Variants in GPC5 observed in about 807,000 individuals in gnomAD.
GPC5 encodes glypican-5.
In GPC5, 47 loss-of-function variants were observed where a neutral mutation model predicts 53.9. The observed-to-expected ratio is 0.87, with a 90% CI of 0.69 to 1.11. The LOEUF is 1.11. Among genes scored for constraint, GPC5 ranks in the 50% most tolerant of loss-of-function variants. The pLI is 0.00. For missense variants in GPC5, 748 were observed against 713.1 expected, an observed-to-expected ratio of 1.05 and a Z score of -0.56; for synonymous variants, 286 against 263.3, an observed-to-expected ratio of 1.09 and a Z score of -0.84.
intron 7 of GPC5, among the ~76,000 whole-genome samples, chr13:92,514,659 C>T (rs576199644): frequency 6.6e-6 from 1 of 152,274 alleles, no homozygotes; most frequent in African/African-American, 2.4e-5. Flanking sequence ...CAGAGCCTGC[C>T]CATTCGCCAC....
chr13:92,235,634 A>G (rs2042564208), intron 7 of GPC5, among the ~76,000 whole-genome samples: 1 of 152,102 alleles, frequency 6.6e-6, no homozygotes, highest in South Asian at 2.1e-4. Context: ...TCACAAATGG[A>G]GAGAAACGTC....
At chr13:92,732,370 C>A (rs976080483) in intron 7 of GPC5, among the ~76,000 whole-genome samples, 4 of 151,400 alleles carry the variant, frequency 2.6e-5, no homozygotes, top group African/African-American at 9.7e-5. Context: ...CTTTGAACAC[C>A]AAATATTTTA....
intron 7 of GPC5, among the ~76,000 whole-genome samples, chr13:92,376,941 A>G (rs943478365): frequency 6.6e-5 from 10 of 151,998 alleles, no homozygotes; most frequent in African/African-American, 2.4e-4. Flanking sequence ...GCTTGAACCC[A>G]GGAGCGGAGG....
intron 2 of GPC5, among the ~76,000 whole-genome samples, chr13:91,478,884 T>TATATATATATATATATATATATGCAC (rs2139207880): frequency 8.6e-6 from 1 of 116,630 alleles, no homozygotes; most frequent in African/African-American, 3.7e-5. Context: ...ATACACATTA[T>TATATATATATATATATATATATGCAC]ATATATATAT....
chr13:92,090,387 G>A (rs989997861), intron 6 of GPC5, among the ~76,000 whole-genome samples: 2 of 152,028 alleles, frequency 1.3e-5, no homozygotes, highest in African/African-American at 4.8e-5. Context: ...GATCATGATG[G>A]TAGAGCCCTC....
chr13:91,425,675 T>A (rs1467969114), intron 1 of GPC5, among the ~76,000 whole-genome samples: 10 of 152,332 alleles, frequency 6.6e-5, no homozygotes, highest in Non-Finnish European at 1.2e-4. Flanking sequence ...GTCTTGGGTA[T>A]GTCTTTATAG....
intron 4 of GPC5, among the ~76,000 whole-genome samples, chr13:91,743,239 T>C (rs924684661): frequency 6.6e-6 from 1 of 152,154 alleles, no homozygotes; most frequent in Non-Finnish European, 1.5e-5. Flanking sequence ...CTCCTGTTGT[T>C]ACAATTTTTT....
intron 2 of GPC5, among the ~76,000 whole-genome samples, chr13:91,606,438 T>C (rs912148983): frequency 4.0e-5 from 6 of 151,302 alleles, no homozygotes; most frequent in East Asian, 2.0e-4. Context: ...TGTCTCTGCC[T>C]GGCTTTGGTA....
At chr13:92,206,551 A>G (rs874796) in intron 7 of GPC5, among the ~76,000 whole-genome samples, 90,587 of 151,842 alleles carry the variant, frequency 0.6, 27,737 homozygotes, top group Middle Eastern at 0.74. Flanking sequence ...AAATAAACTT[A>G]TGCAGAACTA....
intron 2 of GPC5, among the ~76,000 whole-genome samples, chr13:91,635,598 T>C (rs541766614): frequency 3.0e-4 from 45 of 152,244 alleles, no homozygotes; most frequent in Admixed American, 6.5e-4. Flanking sequence ...TTTATTATTA[T>C]ATTATGTTAC....
chr13:92,425,386 T>G (rs1876786258), intron 7 of GPC5, among the ~76,000 whole-genome samples: 1 of 152,104 alleles, frequency 6.6e-6, no homozygotes, highest in Non-Finnish European at 1.5e-5. Flanking sequence ...TGGCTAATGT[T>G]TCTAACATTT....
At chr13:91,427,832 T>TG (rs1325067891) in intron 1 of GPC5, among the ~76,000 whole-genome samples, 1 of 152,178 alleles carries the variant, frequency 6.6e-6, no homozygotes, top group Non-Finnish European at 1.5e-5. Context: ...GATTAGGTTA[T>TG]GGGGGCTGTT....
At chr13:91,422,540 GC>G (rs1387498989) in intron 1 of GPC5, among the ~76,000 whole-genome samples, 4 of 152,146 alleles carry the variant, frequency 2.6e-5, no homozygotes, top group Non-Finnish European at 5.9e-5. Context: ...GGAGGCTGAG[GC>G]AGGAGAATTG....
intron 7 of GPC5, among the ~76,000 whole-genome samples, chr13:92,297,307 A>G (rs2043043673): frequency 2.7e-5 from 4 of 149,936 alleles, no homozygotes; most frequent in Admixed American, 6.6e-5. Context: ...AAATATACCA[A>G]TCGGCACTCT....
rs112327994 is a variant in GPC5, at chr13:92,415,231, A to G, written c.1561+270242A>G. On this transcript the variant is annotated intron_variant, in intron 7 of 7. Coordinates refer to ENST00000377067, the MANE Select transcript of GPC5 (RefSeq NM_004466.6). The stretch of plus-strand genomic sequence containing the variant: ...CAACTTCAATTAATTGATTTTAAAC[A>G]GAAGCATTATTTTTAAAGGACTTTT... Among the ~76,000 whole-genome samples, 584 of 152,292 alleles carry G rather than the reference A, an allele frequency of 3.8e-3. 6 individuals are homozygous for G. Among genetic ancestry groups the G allele is most frequent in the African/African-American group, 0.014 (565 of 41,560 alleles).
At chr13:92,204,290 G>A (rs1284318648) in intron 7 of GPC5, among the ~76,000 whole-genome samples, 1 of 152,178 alleles carries the variant, frequency 6.6e-6, no homozygotes, top group African/African-American at 2.4e-5. Context: ...AATGGCTTAT[G>A]AGGTTTACCA....
chr13:92,227,144 G>A (rs555349918), intron 7 of GPC5, among the ~76,000 whole-genome samples: 1 of 152,252 alleles, frequency 6.6e-6, no homozygotes, highest in Admixed American at 6.5e-5. Context: ...TGAAAACATT[G>A]AATAGTAAAG....
chr13:91,937,281 C>T (rs556136928), intron 6 of GPC5, among the ~76,000 whole-genome samples: 1 of 152,060 alleles, frequency 6.6e-6, no homozygotes, highest in Non-Finnish European at 1.5e-5. Context: ...TGAACATAAA[C>T]ACATTATGTT....
At chr13:91,527,545 G>T (rs1886144956) in intron 2 of GPC5, among the ~76,000 whole-genome samples, 2 of 152,240 alleles carry the variant, frequency 1.3e-5, no homozygotes, top group South Asian at 2.1e-4. Context: ...GGCTCATGGG[G>T]TAAGCTGTTG....
Sources: allele counts gnomAD v4.1 joint callset (sites outside exome capture counted in the v4.1 genomes callset), GRCh38; gene constraint gnomAD v4.1.1; transcripts MANE v1.5; gene names NCBI Gene and HGNC (gene_info 2026-07-23, HGNC 2026-07-21).